PIWIL2: variants seen among roughly 807,000 people sequenced by gnomAD.
The protein encoded by PIWIL2 is piwi like RNA-mediated gene silencing 2.
A neutral mutation model predicts 116.5 loss-of-function variants in PIWIL2; 81 were observed. The ratio of observed to expected loss-of-function variants is 0.70; its 90% CI spans 0.58 to 0.84. PIWIL2 has a LOEUF of 0.84. PIWIL2 is among the 40% of genes least tolerant of loss of function. The probability of loss-of-function intolerance (pLI) is 0.00; values close to 1 mark genes in which losing one functional copy is unlikely to be tolerated. For missense variants in PIWIL2, 1,272 were observed against 1,212.3 expected (o/e 1.05, Z -0.73); for synonymous variants, 489 against 429.5 (o/e 1.14, Z -1.71).
intron 12 of PIWIL2, among the ~76,000 whole-genome samples, chr8:22,305,658 A>G (rs1325046283): frequency 6.6e-6 from 1 of 150,942 alleles, no homozygotes; most frequent in Non-Finnish European, 1.5e-5. Context: ...CCCAAGAGGG[A>G]CAGATTTTTT....
At position 22,295,546 on chromosome 8, in the gene PIWIL2, C is replaced by G. The variant is rs1054133831; in HGVS notation, c.1181+5200C>G. On this transcript the variant is annotated intron_variant, in intron 10 of 22. Transcript: ENST00000356766. ...TCCAAGATAGTGAGAAGGCCTGTGT[C>G]AGGCATTACCCCGTTATGTCACACA... 3.3e-5 allele frequency among the ~76,000 whole-genome samples: 5 copies of G among 152,116 alleles called. No individual in the cohort carries two copies. In the South Asian group the frequency reaches 1.0e-3, roughly 32 times the overall value.
intron 7 of PIWIL2, among the ~76,000 whole-genome samples, chr8:22,288,022 G>A (rs1368504060): frequency 6.6e-6 from 1 of 152,188 alleles, no homozygotes; most frequent in African/African-American, 2.4e-5. Flanking sequence ...ATGTAGGCCG[G>A]GTGCGGTGGC....
At chr8:22,355,315 A>T in intron 22 of PIWIL2, 34 bp from the exon 23 acceptor site, 3 of 1,609,284 alleles carry the variant, frequency 1.9e-6, no homozygotes, top group Non-Finnish European at 2.6e-6. Context: ...AAGGTGGGGG[A>T]TGATGAGAAT....
In PIWIL2 at chr8:22,310,100, A is replaced by G. The variant is rs6557986; in HGVS notation, c.1800+26A>G. On this transcript the variant is annotated intron_variant, in intron 15 of 22. Transcript: ENST00000356766. ...GTAAGTGATTTTTGAAGTGATAAAGAGAGGACCAGTATTCCCCAAAGTGTG... is the reference window on the plus strand; with the variant it reads ...GTAAGTGATTTTTGAAGTGATAAAGGGAGGACCAGTATTCCCCAAAGTGTG... 0.046 allele frequency: 55,536 copies of G among 1,218,616 alleles called. 7,990 individuals carry two copies. The African/African-American group carries it at 0.47, about 10-fold the overall frequency. 75.5% of individuals were successfully genotyped at this position (1,218,616 alleles called of 1,614,324 possible). A position where few individuals can be genotyped will look rare whatever the true frequency, so the allele number is the denominator to read the frequency against.
chr8:22,298,926 G>C (rs1177412089), intron 10 of PIWIL2, among the ~76,000 whole-genome samples: 2 of 152,100 alleles, frequency 1.3e-5, no homozygotes, highest in African/African-American at 2.4e-5. Context: ...AGAAACAAGG[G>C]GATGACGTTG....
At chr8:22,284,403 A>G in intron 6 of PIWIL2, 131 bp downstream of exon 6, 2 of 500,984 alleles carry the variant, frequency 4.0e-6, no homozygotes, top group Non-Finnish European at 7.1e-6. Context: ...GTTTACTCAG[A>G]TCCTTACAGG....
chr8:22,278,108 C>T (rs763041167), intron 1 of PIWIL2, among the ~76,000 whole-genome samples: 11 of 151,088 alleles, frequency 7.3e-5, no homozygotes, highest in Non-Finnish European at 1.2e-4. Context: ...GCAGAGGTTG[C>T]GGTGAGCCAA....
At chr8:22,278,180 G>T (rs943241528) in intron 1 of PIWIL2, among the ~76,000 whole-genome samples, 14 of 151,144 alleles carry the variant, frequency 9.3e-5, no homozygotes, top group East Asian at 3.9e-4. Flanking sequence ...AAAAAAAAGG[G>T]GGGGAGGAAA....
intron 20 of PIWIL2, among the ~76,000 whole-genome samples, chr8:22,348,814 C>A (rs577636950): frequency 1.3e-5 from 2 of 152,198 alleles, no homozygotes; most frequent in South Asian, 4.2e-4. Flanking sequence ...TCTGACTCAT[C>A]CCTCAATCAT....
At chr8:22,278,369 A>G (rs1009367366) in intron 1 of PIWIL2, among the ~76,000 whole-genome samples, 11 of 152,206 alleles carry the variant, frequency 7.2e-5, no homozygotes, top group South Asian at 2.1e-4. Context: ...AAAATGTACA[A>G]ATTAGCTGGG....
chr8:22,327,558 G>T (rs941758274), intron 20 of PIWIL2, among the ~76,000 whole-genome samples: 1 of 151,358 alleles, frequency 6.6e-6, no homozygotes, highest in Non-Finnish European at 1.5e-5. Flanking sequence ...GTAGAGACGG[G>T]GTTTCTCCAT....
rs754184948 is a variant in PIWIL2, at chr8:22,304,934, G to A, written c.1455+66G>A. 1,091 of 1,072,956 alleles carry A rather than the reference G, an allele frequency of 1.0e-3. 3 individuals carry two copies. Among genetic ancestry groups the A allele is most frequent in the Non-Finnish European group, 1.4e-3 (942 of 689,988 alleles). 66.5% of individuals were successfully genotyped at this position (1,072,956 alleles called of 1,614,324 possible). ...TTCATCCTGTCAGCTGCTTTTAGCC[G>A]TCCTCATGGCTTTGTGGGAGCTGTG... On this transcript the variant is annotated intron_variant, in intron 12 of 22. Transcript: ENST00000356766.
chr8:22,330,462 G>A (rs1260156326), intron 20 of PIWIL2, among the ~76,000 whole-genome samples: 1 of 152,052 alleles, frequency 6.6e-6, no homozygotes, highest in Non-Finnish European at 1.5e-5. Flanking sequence ...ACTTTGGGAG[G>A]CCGAGGCGGG....
At chr8:22,316,361 T>C in intron 19 of PIWIL2, 28 bp downstream of exon 19, 1 of 1,353,294 alleles carries the variant, frequency 7.4e-7, no homozygotes, top group South Asian at 1.2e-5. Context: ...TGCCATCTTG[T>C]TTGATTATTT....
Position 22,311,174 on chromosome 8 carries a change from G to A in PIWIL2, c.1863G>A (p.Leu621=). ...GAGCAATGGACCAGGCTCGAGAACT[G>A]GTCAACATGTTGGAGAAGATAGCCG... ...PKRAMDQARE[L]VNMLEKIAGP... The change falls in exon 16 of 23, where the codon CTG becomes CTA. Residue 621 remains leucine, a synonymous_variant. Coordinates refer to ENST00000356766, the MANE Select transcript of PIWIL2 (RefSeq NM_018068.5). The A allele has an allele frequency of 1.2e-6, 2 of 1,614,150 alleles. No individual in the cohort carries two copies. Among genetic ancestry groups the A allele is most frequent in the Non-Finnish European group, 8.5e-7 (1 of 1,180,014 alleles).
rs575514201 is a variant in PIWIL2 at position 22,350,291 on chromosome 8, A to C, written c.2404-2668A>C. On this transcript the variant is annotated intron_variant, in intron 20 of 22. Coordinates refer to ENST00000356766, the MANE Select transcript of PIWIL2 (RefSeq NM_018068.5). ...TGGAGTAGATGCTGGAAAGCCAAAA[A>C]AAATTTTTTTAAGGGTACTACAGGC... 5.3e-5 allele frequency among the ~76,000 whole-genome samples: 8 copies of C among 152,222 alleles called. No homozygotes were observed. The East Asian group carries it at 1.5e-3, about 29-fold the overall frequency.
chr8:22,322,096 C>G, intron 20 of PIWIL2: 1 of 372,660 alleles, frequency 2.7e-6, no homozygotes. Context: ...AGTTCCCATA[C>G]ATCCTTCATC....
intron 16 of PIWIL2, among the ~76,000 whole-genome samples, chr8:22,313,219 C>T (rs142589162): frequency 4.4e-4 from 67 of 152,238 alleles, no homozygotes; most frequent in African/African-American, 1.4e-3. Context: ...CCATTATCAT[C>T]TCTATGAGGA....
intron 20 of PIWIL2, among the ~76,000 whole-genome samples, chr8:22,336,327 T>G (rs1289753571): frequency 6.6e-6 from 1 of 152,080 alleles, no homozygotes; most frequent in Non-Finnish European, 1.5e-5. Context: ...TAAAGGAAAT[T>G]TGGGAAATTC....
Sources: gnomAD v4.1 joint callset for allele counts (sites outside exome capture counted in the v4.1 genomes callset) on GRCh38, gnomAD v4.1.1 for gene constraint, MANE v1.5 for transcripts, NCBI Gene and HGNC (gene_info 2026-07-23, HGNC 2026-07-21) for gene names.